SCFD2: variants seen among roughly 807,000 people sequenced by gnomAD.
SCFD2 encodes the protein sec1 family domain-containing protein 2.
In SCFD2, 54 loss-of-function variants were observed where a neutral mutation model predicts 58.9. The ratio of observed to expected loss-of-function variants is 0.92; its 90% CI spans 0.74 to 1.15. The LOEUF is 1.15. Ranked by LOEUF, SCFD2 falls within the 50% of genes most tolerant of loss-of-function variation. SCFD2 has a pLI of 0.00. For synonymous variants in SCFD2, 321 were observed against 335.9 expected, an observed-to-expected ratio of 0.96 and a Z score of 0.49; for missense variants, 805 against 836.6, an observed-to-expected ratio of 0.96 and a Z score of 0.47.
intron 4 of SCFD2, among the ~76,000 whole-genome samples, chr4:53,251,045 G>A (rs771483498): frequency 2.0e-5 from 3 of 152,124 alleles, no homozygotes; most frequent in Admixed American, 6.5e-5. Flanking sequence ...AAATGACAAT[G>A]GGGATATCAC....
At chr4:53,053,635 A>G (rs1365897216) in intron 5 of SCFD2, among the ~76,000 whole-genome samples, 1 of 152,046 alleles carries the variant, frequency 6.6e-6, no homozygotes, top group Non-Finnish European at 1.5e-5. Flanking sequence ...TAGAAATGCC[A>G]TCCCATTGCT....
At chr4:52,935,459 A>G (rs950243373) in intron 5 of SCFD2, among the ~76,000 whole-genome samples, 7 of 152,156 alleles carry the variant, frequency 4.6e-5, no homozygotes, top group African/African-American at 1.7e-4. Context: ...CAGTTTATCG[A>G]TTGTTGCTTG....
chr4:53,179,368 T>G (rs1727462860), intron 4 of SCFD2, among the ~76,000 whole-genome samples: 1 of 152,106 alleles, frequency 6.6e-6, no homozygotes, highest in Non-Finnish European at 1.5e-5. Context: ...AAAAAAGAAT[T>G]TTCAACCCAG....
At chr4:53,071,375 T>C (rs1723809795) in intron 5 of SCFD2, among the ~76,000 whole-genome samples, 1 of 152,120 alleles carries the variant, frequency 6.6e-6, no homozygotes, top group Non-Finnish European at 1.5e-5. Context: ...TATAAACACA[T>C]ACAAGGTTAC....
intron 5 of SCFD2, among the ~76,000 whole-genome samples, chr4:53,021,830 T>C (rs1448397177): frequency 6.6e-6 from 1 of 152,132 alleles, no homozygotes; most frequent in African/African-American, 2.4e-5. Flanking sequence ...CAGAAGAATA[T>C]GTAGTTGTTC....
At chr4:53,228,339 C>T (rs1325535548) in intron 4 of SCFD2, among the ~76,000 whole-genome samples, 2 of 152,134 alleles carry the variant, frequency 1.3e-5, no homozygotes, top group African/African-American at 4.8e-5. Flanking sequence ...TGATACATTT[C>T]TGACAACATT....
intron 5 of SCFD2, among the ~76,000 whole-genome samples, chr4:53,017,765 C>T (rs1722249359): frequency 6.6e-6 from 1 of 152,142 alleles, no homozygotes. Flanking sequence ...GCCACCTCTC[C>T]TTCTCCTCCC....
chr4:53,296,711 T>C (rs1732047334), intron 3 of SCFD2, among the ~76,000 whole-genome samples: 1 of 152,190 alleles, frequency 6.6e-6, no homozygotes, highest in Admixed American at 6.5e-5. Context: ...GCTTCCCTAG[T>C]TCTTTTCAAT....
In SCFD2 at chr4:53,223,254, C is replaced by T. The variant is rs114546306; in HGVS notation, c.1311+50572G>A. On this transcript the variant is annotated intron_variant, in intron 4 of 8. Transcript: ENST00000401642. ...TACTTAGTCTGAATTCTGTCCTTTT[C>T]GCATATAATTCATGTTGAGGTTTAA... Among the ~76,000 whole-genome samples, 415 of 152,150 alleles carry T rather than the reference C, an allele frequency of 2.7e-3. 1 individual carries two copies. Among genetic ancestry groups the T allele is most frequent in the African/African-American group, 9.6e-3 (397 of 41,514 alleles).
rs941400631 is a variant in SCFD2 at position 53,273,727 on chromosome 4, A to C, written c.1311+99T>G. 4 of 1,058,092 alleles carry C rather than the reference A, an allele frequency of 3.8e-6. No individual in the cohort carries two copies. The African/African-American group carries it at 6.4e-5, about 17-fold the overall frequency. The allele number at this position is 1,058,092 out of a possible 1,614,324, so 65.5% of individuals were successfully genotyped here. The stretch of plus-strand genomic sequence containing the variant: ...ATATGAAGCAGGGCACATGTCAACA[A>C]TATGATTTATTACTAAGGCTATAAT... On this transcript the variant is annotated intron_variant, in intron 4 of 8. Transcript: ENST00000401642.
intron 2 of SCFD2, among the ~76,000 whole-genome samples, chr4:53,346,610 T>C (rs1734066460): frequency 6.6e-6 from 1 of 152,302 alleles, no homozygotes; most frequent in South Asian, 2.1e-4. Context: ...TACTCAATCA[T>C]TTATTGATTG....
At chr4:52,993,549 G>T (rs528885468) in intron 5 of SCFD2, among the ~76,000 whole-genome samples, 1 of 152,260 alleles carries the variant, frequency 6.6e-6, no homozygotes, top group African/African-American at 2.4e-5. Flanking sequence ...GTGTTTGCAG[G>T]TTCCATGTAA....
chr4:53,170,597 G>A (rs1290096413), intron 4 of SCFD2, among the ~76,000 whole-genome samples: 1 of 152,086 alleles, frequency 6.6e-6, no homozygotes, highest in Admixed American at 6.6e-5. Flanking sequence ...GATAGAAATT[G>A]CACTGAATCT....
chr4:52,907,466 C>T lies in SCFD2; in HGVS notation c.1833G>A (p.Met611Ile). The T allele has an allele frequency of 6.2e-7, 1 of 1,613,856 alleles. No individual in the cohort carries two copies. Among genetic ancestry groups the T allele is most frequent in the Non-Finnish European group, 8.5e-7 (1 of 1,179,760 alleles). ...TCCATGGTTACTTTACCTTCATGAA[C>T]ATGCTAAATCCAGTTTTAAGGAGAT... ...LTDLLKTGFS[M>I]FMKVSRPHPS... Residue 611 changes from methionine (M) to isoleucine (I), a missense_variant, in exon 7 of 9, where the codon ATG (methionine) becomes ATA (isoleucine). Physicochemically the swap from Met to Ile is conservative, Grantham distance 10 (BLOSUM62 1). This residue lies in a region of SCFD2 where 633 missense variants were observed against 646.8 expected (regional missense o/e 0.98). Coordinates refer to ENST00000401642, the MANE Select transcript of SCFD2 (RefSeq NM_152540.4).
chr4:53,279,260 A>G (rs747627063), intron 3 of SCFD2, among the ~76,000 whole-genome samples: 8 of 152,114 alleles, frequency 5.3e-5, no homozygotes, highest in Non-Finnish European at 1.0e-4. Flanking sequence ...TTAAAATTTG[A>G]TTTTCAGTTA....
At chr4:53,215,409 G>A (rs934502773) in intron 4 of SCFD2, among the ~76,000 whole-genome samples, 2 of 152,062 alleles carry the variant, frequency 1.3e-5, no homozygotes, top group Admixed American at 1.3e-4. Flanking sequence ...TATTCTCTTT[G>A]AAGCAATTGT....
intron 5 of SCFD2, among the ~76,000 whole-genome samples, chr4:53,079,681 A>T (rs1056104748): frequency 5.9e-5 from 9 of 152,222 alleles, no homozygotes; most frequent in Non-Finnish European, 1.2e-4. Context: ...CACAGCACCC[A>T]ATAATTACCA....
At position 53,138,052 on chromosome 4, in the gene SCFD2, CATG is replaced by C. The variant is rs779182199; in HGVS notation, c.1561+7278_1561+7280del. Among the ~76,000 whole-genome samples, 106 of 152,218 alleles carry C rather than the reference CATG, an allele frequency of 7.0e-4. No individual in the cohort carries two copies. In the Middle Eastern group the frequency reaches 0.02, roughly 29 times the overall value. On this transcript the variant is annotated intron_variant, in intron 5 of 8. Transcript: ENST00000401642. ...TGCAAACATTCTCATTGTCTATGCA[CATG>C]ATGAGAAAAGGGTGGGGAAGCACTA...
chr4:53,249,777 C>T (rs926560596), intron 4 of SCFD2, among the ~76,000 whole-genome samples: 2 of 152,130 alleles, frequency 1.3e-5, no homozygotes, highest in Admixed American at 1.3e-4. Flanking sequence ...ACCAGGCCTG[C>T]CCTAAAAGAG....
Sources: gnomAD v4.1 joint callset for allele counts (sites outside exome capture counted in the v4.1 genomes callset) on GRCh38, gnomAD v4.1.1 for gene constraint, gnomAD v4.1.1 regional missense constraint, MANE v1.5 for transcripts, NCBI Gene and HGNC (gene_info 2026-07-23, HGNC 2026-07-21) for gene names.